STT3B: variants seen among roughly 807,000 people sequenced by gnomAD.
STT3B encodes the protein dolichyl-diphosphooligosaccharide--protein glycosyltransferase subunit STT3B.
In STT3B, 29 loss-of-function variants were observed where a neutral mutation model predicts 96.8. That is an observed-to-expected ratio of 0.30 (90% CI 0.22 to 0.41). The LOEUF (loss-of-function observed/expected upper bound fraction) is 0.41. Ranked by LOEUF, STT3B falls within the 10% of genes least tolerant of loss-of-function variation. The probability of loss-of-function intolerance (pLI) is 1.00; values close to 1 mark genes in which losing one functional copy is unlikely to be tolerated. For synonymous variants in STT3B, 367 were observed against 360.0 expected (o/e 1.02, Z -0.22); for missense variants, 640 against 1,022.3 (o/e 0.63, Z 5.10).
chr3:31,597,737 G>T (rs1181782023), intron 4 of STT3B, among the ~76,000 whole-genome samples: 8 of 152,112 alleles, frequency 5.3e-5, no homozygotes. Flanking sequence ...GGGATTATAG[G>T]CAAGAGCTGC....
Position 31,629,320 on chromosome 3 carries a change from A to G in STT3B, c.2096A>G (p.Gln699Arg). 1 of 1,607,766 alleles carries G rather than the reference A, an allele frequency of 6.2e-7. No homozygotes were observed. Among genetic ancestry groups the G allele is most frequent in the Non-Finnish European group, 8.5e-7 (1 of 1,175,794 alleles). The change falls in exon 14 of 16, where the codon CAG becomes CGG. Residue 699 changes from glutamine to arginine, a missense_variant. Gln to Arg is a conservative substitution (Grantham distance 43, BLOSUM62 1). Coordinates refer to ENST00000295770, the MANE Select transcript of STT3B (RefSeq NM_178862.3). ...DIRESDYFTP[Q>R]GEFRVDKAGS... ...TAGGAAAGTGACTATTTTACCCCAC[A>G]GGGAGAATTCCGTGTAGACAAAGCA...
At chr3:31,558,927 T>TA (rs2125443638) in intron 1 of STT3B, among the ~76,000 whole-genome samples, 1 of 151,924 alleles carries the variant, frequency 6.6e-6, no homozygotes, top group East Asian at 1.9e-4. Flanking sequence ...CAGAAATTTA[T>TA]CAGTTTCCTG....
intron 15 of STT3B, among the ~76,000 whole-genome samples, chr3:31,634,163 G>T (rs1043956248): frequency 6.6e-6 from 1 of 152,130 alleles, no homozygotes; most frequent in African/African-American, 2.4e-5. Flanking sequence ...CATTCATTGT[G>T]TTAGTCATAT....
intron 6 of STT3B, among the ~76,000 whole-genome samples, chr3:31,616,152 A>G (rs1699302446): frequency 6.6e-6 from 1 of 151,904 alleles, no homozygotes; most frequent in Non-Finnish European, 1.5e-5. Flanking sequence ...AGTCATGTAG[A>G]AATAAGATTG....
chr3:31,587,267 A>G (rs1046820223), intron 3 of STT3B, among the ~76,000 whole-genome samples: 1 of 151,452 alleles, frequency 6.6e-6, no homozygotes, highest in Non-Finnish European at 1.5e-5. Flanking sequence ...TAACACTCCA[A>G]AAAGCCTCGC....
At chr3:31,584,562 G>A (rs1010927102) in intron 3 of STT3B, among the ~76,000 whole-genome samples, 3 of 152,056 alleles carry the variant, frequency 2.0e-5, no homozygotes. Context: ...AAGGTTATAT[G>A]AAGTTGATAA....
intron 1 of STT3B, among the ~76,000 whole-genome samples, chr3:31,535,336 ATTT>A (rs879872078): frequency 4.8e-4 from 69 of 143,928 alleles, no homozygotes; most frequent in African/African-American, 1.5e-3. Context: ...TATTTTTATT[ATTT>A]TTTTTTTTTT....
intron 1 of STT3B, among the ~76,000 whole-genome samples, chr3:31,545,460 TTAAA>T (rs1446068021): frequency 3.3e-5 from 5 of 152,200 alleles, no homozygotes; most frequent in African/African-American, 4.8e-5. Context: ...TAAATAAATT[TTAAA>T]TAAATTGAAG....
intron 9 of STT3B, 66 bp from the exon 10 acceptor site, chr3:31,622,030 AG>A: frequency 1.1e-6 from 1 of 940,256 alleles, no homozygotes; most frequent in Admixed American, 2.1e-5. Flanking sequence ...TATAGTTTTA[AG>A]TATCTAGTTC....
intron 5 of STT3B, among the ~76,000 whole-genome samples, chr3:31,610,473 A>G (rs1347940058): frequency 9.7e-6 from 1 of 103,236 alleles, no homozygotes; most frequent in African/African-American, 2.6e-5. Flanking sequence ...AGCACTGTCA[A>G]TGTAAGCTGC....
At chr3:31,559,349 A>T (rs1482481160) in intron 1 of STT3B, among the ~76,000 whole-genome samples, 1 of 148,962 alleles carries the variant, frequency 6.7e-6, no homozygotes. Flanking sequence ...ATTGCTATAA[A>T]CTTAGCATGG....
chr3:31,596,772 T>C (rs1698802040), intron 3 of STT3B, 26 bp from the exon 4 acceptor site: 1 of 1,551,712 alleles, frequency 6.4e-7, no homozygotes. Context: ...AACATTTTTA[T>C]TATATCAGTT....
chr3:31,600,540 G>T, intron 5 of STT3B, 81 bp downstream of exon 5: 3 of 662,438 alleles, frequency 4.5e-6, no homozygotes, highest in South Asian at 4.9e-5. Context: ...ATTTCTATTT[G>T]GTCAATATTA....
rs574542901 is a variant in STT3B, at chr3:31,633,710, TGGG to T, written c.2400+566_2400+568del. 4.6e-5 allele frequency among the ~76,000 whole-genome samples: 7 copies of T among 152,242 alleles called. No homozygotes were observed. In the South Asian group the frequency reaches 1.5e-3, roughly 32 times the overall value. On this transcript the variant is annotated intron_variant, in intron 15 of 15. Transcript: ENST00000295770. ...TTATATAAGATATGAAGTATTTCAT[TGGG>T]GGTCATTATTGCTCACTTAAGCCAA...
chr3:31,559,190 TTGTCTC>T (rs1559365214), intron 1 of STT3B, among the ~76,000 whole-genome samples: 1 of 124,544 alleles, frequency 8.0e-6, no homozygotes, highest in Admixed American at 8.2e-5. Flanking sequence ...TGTGTGTGTG[TTGTCTC>T]TTTCATTTAG....
intron 7 of STT3B, among the ~76,000 whole-genome samples, 190 bp from the exon 8 acceptor site, chr3:31,617,750 T>C (rs1294494069): frequency 6.6e-6 from 1 of 152,058 alleles, no homozygotes; most frequent in Non-Finnish European, 1.5e-5. Flanking sequence ...TGGATATTGT[T>C]TTTATTTGAT....
At chr3:31,591,885 A>G (rs1698672400) in intron 3 of STT3B, among the ~76,000 whole-genome samples, 1 of 151,624 alleles carries the variant, frequency 6.6e-6, no homozygotes, top group African/African-American at 2.4e-5. Context: ...TTTCTTTAAT[A>G]TTTTTTCTAG....
At chr3:31,607,377 T>A (rs775640392) in intron 5 of STT3B, among the ~76,000 whole-genome samples, 1 of 152,152 alleles carries the variant, frequency 6.6e-6, no homozygotes, top group Non-Finnish European at 1.5e-5. Flanking sequence ...TCTCATAATT[T>A]CCACATGTTG....
chr3:31,537,706 G>C (rs1476666303), intron 1 of STT3B, among the ~76,000 whole-genome samples: 1 of 152,026 alleles, frequency 6.6e-6, no homozygotes, highest in Non-Finnish European at 1.5e-5. Flanking sequence ...AGACAACATT[G>C]GTTATAAACA....
Sources: allele counts gnomAD v4.1 joint callset (sites outside exome capture counted in the v4.1 genomes callset), GRCh38; gene constraint gnomAD v4.1.1; transcripts MANE v1.5; gene names NCBI Gene and HGNC (gene_info 2026-07-23, HGNC 2026-07-21).